Variants in GCC2 observed in about 807,000 individuals in gnomAD.
GCC2 encodes the protein GRIP and coiled-coil domain containing 2, also known as GRIP and coiled-coil domain-containing protein 2.
GCC2 carries 120 observed loss-of-function variants against 210.6 expected under a neutral mutation model. The ratio of observed to expected loss-of-function variants is 0.57; its 90% confidence interval spans 0.49 to 0.66. The LOEUF (loss-of-function observed/expected upper bound fraction) is 0.66. Ranked by LOEUF, GCC2 falls within the 30% of genes least tolerant of loss-of-function variation. The probability of loss-of-function intolerance (pLI) is 0.00; values close to 1 mark genes in which losing one functional copy is unlikely to be tolerated. For missense variants in GCC2, 1,868 were observed against 1,871.9 expected (o/e 1.00, Z 0.04); for synonymous variants, 703 against 652.7 (o/e 1.08, Z -1.17).
Position 108,449,238 on chromosome 2 carries a change from C to T in GCC2, c.-37C>T, listed in dbSNP as rs1679755330. The stretch of plus-strand genomic sequence containing the variant: ...GGCGCAAACAGAAGTGCAGCGGTGG[C>T]GGCGGCTGGTTGCGGGCCGGCGGCG... On this transcript the variant is annotated 5_prime_UTR_variant, in exon 1 of 23. Transcript: ENST00000309863. The T allele has an allele frequency of 1.4e-5, 22 of 1,543,798 alleles. No homozygotes were observed. The highest frequency in any genetic ancestry group is 1.9e-5 in the Non-Finnish European group (22 of 1,140,800).
intron 9 of GCC2, among the ~76,000 whole-genome samples, chr2:108,480,941 T>G (rs1416642542): frequency 2.0e-5 from 3 of 152,106 alleles, no homozygotes; most frequent in Non-Finnish European, 4.4e-5. Context: ...TTGCTAGTAA[T>G]TTTGCAGGCA....
At chr2:108,489,031 C>T (rs1310831776) in intron 17 of GCC2, among the ~76,000 whole-genome samples, 2 of 152,136 alleles carry the variant, frequency 1.3e-5, no homozygotes, top group African/African-American at 4.8e-5. Context: ...GTTCCTTCTA[C>T]TTTCTTATAA....
intron 20 of GCC2, chr2:108,496,079 A>G (rs916340545): frequency 2.6e-5 from 4 of 152,178 alleles, no homozygotes; most frequent in African/African-American, 9.7e-5. Flanking sequence ...TATTAAACAA[A>G]TCTTTTTTAA....
chr2:108,449,559 TA>T, intron 1 of GCC2, 73 bp from the exon 2 acceptor site: 1 of 1,440,116 alleles, frequency 6.9e-7, no homozygotes, highest in Non-Finnish European at 9.8e-7. Context: ...TTTTTCCCTG[TA>T]AGGGTTCTAC....
chr2:108,479,808 C>T (rs1031202302), intron 9 of GCC2, among the ~76,000 whole-genome samples: 3 of 151,948 alleles, frequency 2.0e-5, no homozygotes, highest in African/African-American at 4.8e-5. Context: ...ATGGTGAAAC[C>T]CCATCTCTAC....
chr2:108,456,132 C>T (rs1284151239), intron 4 of GCC2, among the ~76,000 whole-genome samples: 5 of 152,080 alleles, frequency 3.3e-5, no homozygotes, highest in Non-Finnish European at 7.4e-5. Flanking sequence ...CTACAGGCGC[C>T]GGCCACCAAG....
rs369977320 is a variant in GCC2 at position 108,470,520 on chromosome 2, G to A, written c.1191G>A (p.Gln397=). ...AATTATTACTAGCTAAAGAAGAACA[G>A]GGCTGTGTAATTGAAAAATTAAAAT... The part of the protein sequence containing the change: ...INELLLAKEE[Q]GCVIEKLKSE... Residue 397 remains glutamine, a synonymous_variant, in exon 6 of 23, where the codon CAG becomes CAA. Transcript: ENST00000309863. The A allele has an allele frequency of 1.2e-6, 2 of 1,607,214 alleles. No homozygotes were observed. Among genetic ancestry groups the A allele is most frequent in the Non-Finnish European group, 1.7e-6 (2 of 1,177,668 alleles).
intron 22 of GCC2, among the ~76,000 whole-genome samples, chr2:108,502,871 T>A (rs893457261): frequency 6.7e-6 from 1 of 148,732 alleles, no homozygotes; most frequent in African/African-American, 2.5e-5. Context: ...TGCAGTGAGC[T>A]GAGATGGTGC....
chr2:108,454,431 TAC>T (rs1231622861), intron 4 of GCC2, among the ~76,000 whole-genome samples: 1 of 152,244 alleles, frequency 6.6e-6, no homozygotes, highest in Non-Finnish European at 1.5e-5. Flanking sequence ...TTTATTTAGT[TAC>T]AGTGTATGAA....
At chr2:108,462,298 C>T (rs1293240701) in intron 4 of GCC2, among the ~76,000 whole-genome samples, 1 of 146,856 alleles carries the variant, frequency 6.8e-6, no homozygotes, top group Non-Finnish European at 1.5e-5. Context: ...CGACACCACC[C>T]TGGCTAACAC....
chr2:108,497,855 G>A (rs1421237525), intron 21 of GCC2, among the ~76,000 whole-genome samples: 2 of 152,138 alleles, frequency 1.3e-5, no homozygotes, highest in African/African-American at 4.8e-5. Context: ...CTCATCACTG[G>A]TTGAGAGAAA....
At chr2:108,468,362 G>A (rs189767019) in intron 4 of GCC2, among the ~76,000 whole-genome samples, 3 of 152,186 alleles carry the variant, frequency 2.0e-5, no homozygotes, top group East Asian at 1.9e-4. Context: ...CACCATCCCC[G>A]ACTTACATAG....
chr2:108,482,309 A>C lies in GCC2; in HGVS notation c.3203A>C (p.Asn1068Thr), dbSNP rs760393036. 46 of 1,579,458 alleles carry C rather than the reference A, an allele frequency of 2.9e-5. No individual in the cohort carries two copies. Among genetic ancestry groups the C allele is most frequent in the Non-Finnish European group, 3.9e-5 (45 of 1,160,824 alleles). The change falls in exon 11 of 23, where the codon AAT becomes ACT. Residue 1068 changes from asparagine to threonine, a missense_variant. Asn to Thr is a moderately conservative substitution (Grantham distance 65). Around this residue, in one of 3 missense-constraint regions of GCC2, gnomAD observed 1,847 missense variants for 1,765.2 expected, o/e 1.05. Coordinates refer to ENST00000309863, the MANE Select transcript of GCC2 (RefSeq NM_181453.4). ...CAGTGTGAAACAATAAATTCTGATA[A>C]TGAAGATCTCCTGGCTCGTATTGAG... ...TLQCETINSD[N>T]EDLLARIETL...
At chr2:108,467,914 G>A (rs1680988477) in intron 4 of GCC2, among the ~76,000 whole-genome samples, 1 of 151,938 alleles carries the variant, frequency 6.6e-6, no homozygotes, top group South Asian at 2.1e-4. Context: ...TTCTTTGGTG[G>A]ACAATTTTTA....
chr2:108,478,303 G>A (rs3927013), intron 9 of GCC2, among the ~76,000 whole-genome samples: 6 of 151,718 alleles, frequency 4.0e-5, no homozygotes, highest in South Asian at 2.1e-4. Context: ...ATAAACTTAC[G>A]TATAAAAATG....
intron 15 of GCC2, 48 bp downstream of exon 15, chr2:108,485,956 A>AGT (rs758564334): frequency 1.2e-5 from 10 of 860,338 alleles, no homozygotes; most frequent in Non-Finnish European, 1.8e-5. Flanking sequence ...TTCATGTAGA[A>AGT]GTGAGGTACC....
At chr2:108,467,887 C>T (rs1257699907) in intron 4 of GCC2, among the ~76,000 whole-genome samples, 2 of 151,984 alleles carry the variant, frequency 1.3e-5, no homozygotes, top group Non-Finnish European at 2.9e-5. Flanking sequence ...CCTTAAAAAC[C>T]ATCTATTCCT....
intron 9 of GCC2, among the ~76,000 whole-genome samples, chr2:108,476,142 C>T (rs1467682337): frequency 2.0e-5 from 3 of 150,358 alleles, no homozygotes; most frequent in Non-Finnish European, 4.4e-5. Flanking sequence ...CTCACTGCAC[C>T]CTCTGCCCCC....
intron 16 of GCC2, 44 bp from the exon 17 acceptor site, chr2:108,487,655 C>T (rs565541280): frequency 2.6e-6 from 4 of 1,539,778 alleles, no homozygotes; most frequent in Admixed American, 4.2e-5. Context: ...AATAGAAGGA[C>T]CCTGTTACAG....
Sources: allele counts gnomAD v4.1 joint callset (sites outside exome capture counted in the v4.1 genomes callset), GRCh38; gene constraint gnomAD v4.1.1; regional missense constraint gnomAD v4.1.1; transcripts MANE v1.5; gene names NCBI Gene and HGNC (gene_info 2026-07-23, HGNC 2026-07-21).